The following VPS37A variants were observed in gnomAD, a reference collection of about 807,000 sequenced individuals.
VPS37A encodes vacuolar protein sorting-associated protein 37A.
In VPS37A, 30 loss-of-function variants were observed where a neutral mutation model predicts 49.8. The observed-to-expected ratio is 0.60, with a 90% CI of 0.45 to 0.82. VPS37A has a LOEUF of 0.82. Among genes scored for constraint, VPS37A ranks in the 40% least tolerant of loss-of-function variants. The pLI is 0.00. For missense variants in VPS37A, 593 were observed against 464.4 expected, an observed-to-expected ratio of 1.28 and a Z score of -2.55; for synonymous variants, 195 against 160.6, an observed-to-expected ratio of 1.21 and a Z score of -1.62.
intron 4 of VPS37A, 114 bp downstream of exon 4, chr8:17,269,070 C>T (rs1424044641): frequency 1.4e-6 from 1 of 693,006 alleles, no homozygotes; most frequent in Non-Finnish European, 2.3e-6. Context: ...TCTACATCCC[C>T]ACAAATACAT....
At chr8:17,269,888 G>A (rs1813816151) in intron 4 of VPS37A, among the ~76,000 whole-genome samples, 1 of 152,156 alleles carries the variant, frequency 6.6e-6, no homozygotes, top group Non-Finnish European at 1.5e-5. Context: ...CTGAGACTGG[G>A]TAATATATAA....
At chr8:17,254,811 A>C (rs912778911) in intron 1 of VPS37A, among the ~76,000 whole-genome samples, 1 of 152,176 alleles carries the variant, frequency 6.6e-6, no homozygotes, top group Non-Finnish European at 1.5e-5. Context: ...ATGTATAACT[A>C]TTATGTATCC....
intron 4 of VPS37A, among the ~76,000 whole-genome samples, chr8:17,269,246 T>C (rs1463133213): frequency 6.6e-6 from 1 of 152,190 alleles, no homozygotes; most frequent in African/African-American, 2.4e-5. Context: ...TGTTTTTCAC[T>C]AAACTTCCTT....
At chr8:17,255,379 G>T (rs1812347381) in intron 1 of VPS37A, among the ~76,000 whole-genome samples, 2 of 152,154 alleles carry the variant, frequency 1.3e-5, no homozygotes, top group African/African-American at 4.8e-5. Context: ...TACTCGGGAG[G>T]CTGAGGCAGG....
chr8:17,257,314 A>G (rs1294904550), intron 1 of VPS37A, among the ~76,000 whole-genome samples: 2 of 152,206 alleles, frequency 1.3e-5, no homozygotes, highest in Non-Finnish European at 2.9e-5. Context: ...TTTGGTTACT[A>G]TAACTTTGCA....
intron 2 of VPS37A, among the ~76,000 whole-genome samples, chr8:17,267,017 C>G (rs537301488): frequency 2.0e-5 from 3 of 152,012 alleles, no homozygotes; most frequent in African/African-American, 7.3e-5. Flanking sequence ...GTGATACACC[C>G]GCCTCGGCCT....
chr8:17,270,046 G>A (rs966924150), intron 4 of VPS37A, among the ~76,000 whole-genome samples: 1 of 152,024 alleles, frequency 6.6e-6, no homozygotes, highest in Non-Finnish European at 1.5e-5. Context: ...AGTGAGGAGT[G>A]GGGGAGGTAC....
At chr8:17,311,670 G>A in the VPS37A span, 2 of 1,613,336 alleles carry the variant, frequency 1.2e-6, no homozygotes, top group Non-Finnish European at 1.7e-6. Context: ...GAGTCACAAA[G>A]AATGGCTGTA....
intron 9 of VPS37A, among the ~76,000 whole-genome samples, chr8:17,283,901 A>G (rs545643216): frequency 3.9e-5 from 6 of 152,332 alleles, no homozygotes; most frequent in African/African-American, 1.4e-4. Context: ...CATTGAGTCT[A>G]TAGGTTGCTT....
intron 10 of VPS37A, among the ~76,000 whole-genome samples, chr8:17,285,906 C>T (rs1186827848): frequency 3.9e-5 from 6 of 152,216 alleles, no homozygotes; most frequent in Middle Eastern, 3.4e-3. Context: ...CAAGCAAGAG[C>T]GTTTTTTTGT....
At chr8:17,270,554 T>A (rs1335504170) in intron 4 of VPS37A, among the ~76,000 whole-genome samples, 1 of 152,142 alleles carries the variant, frequency 6.6e-6, no homozygotes, top group Non-Finnish European at 1.5e-5. Flanking sequence ...TTTGGTTTAG[T>A]CCTGAATGTT....
chr8:17,248,492 T>G, intron 1 of VPS37A: 2 of 405,850 alleles, frequency 4.9e-6, no homozygotes, highest in Admixed American at 2.7e-5. Context: ...GTCAGGCTGG[T>G]CTCGAACTCC....
At chr8:17,279,677 C>G (rs939492926) in intron 6 of VPS37A, 3 of 390,000 alleles carry the variant, frequency 7.7e-6, no homozygotes, top group African/African-American at 6.3e-5. Flanking sequence ...TAGTTTCATA[C>G]ATTGTTCTTT....
downstream of VPS37A, among the ~76,000 whole-genome samples, chr8:17,305,258 T>C (rs1390768379): frequency 6.6e-6 from 1 of 152,250 alleles, no homozygotes; most frequent in Admixed American, 6.5e-5. Flanking sequence ...TGTTCTCTCA[T>C]GTATACTGCC....
downstream of VPS37A, among the ~76,000 whole-genome samples, chr8:17,303,968 T>C (rs987632454): frequency 4.6e-5 from 7 of 152,224 alleles, no homozygotes; most frequent in Non-Finnish European, 8.8e-5. Flanking sequence ...GCAAAAGTAA[T>C]TGCGGTTTTT....
At chr8:17,269,826 C>T (rs536496062) in intron 4 of VPS37A, among the ~76,000 whole-genome samples, 3 of 152,208 alleles carry the variant, frequency 2.0e-5, no homozygotes, top group East Asian at 1.9e-4. Flanking sequence ...GTCATGTTCT[C>T]GTACTAAAGA....
downstream of VPS37A, chr8:17,298,619 T>C (rs939206191): frequency 2.0e-5 from 3 of 152,568 alleles, no homozygotes; most frequent in Admixed American, 6.5e-5. Flanking sequence ...ATTCAAAATA[T>C]TGATCTAAAT....
intron 4 of VPS37A, among the ~76,000 whole-genome samples, chr8:17,270,345 A>T (rs915351401): frequency 3.3e-5 from 5 of 152,092 alleles, no homozygotes; most frequent in Admixed American, 1.3e-4. Context: ...GCGATAACTC[A>T]TTTTTGCTCC....
Position 17,295,070 on chromosome 8 carries a change from A to G in VPS37A, c.*84A>G, listed in dbSNP as rs1163878821. 6.5e-6 allele frequency: 1 copy of G among 152,686 alleles called. No homozygotes were observed. The highest frequency in any genetic ancestry group is 2.4e-5 in the African/African-American group (1 of 41,466). 9.5% of individuals were successfully genotyped at this position (152,686 alleles called of 1,614,324 possible). A position where few individuals can be genotyped will look rare whatever the true frequency, so the allele number is the denominator to read the frequency against. On this transcript the variant is annotated 3_prime_UTR_variant, in exon 12 of 12. Coordinates refer to ENST00000324849, the MANE Select transcript of VPS37A (RefSeq NM_152415.3). The stretch of plus-strand genomic sequence containing the variant: ...TTATATTTATGGTTTGCAAACTGGC[A>G]TTTCATCAGTGGCTAAATTCACAGA...
Sources: allele counts gnomAD v4.1 joint callset (sites outside exome capture counted in the v4.1 genomes callset), GRCh38; gene constraint gnomAD v4.1.1; transcripts MANE v1.5; gene names NCBI Gene and HGNC (gene_info 2026-07-23, HGNC 2026-07-21).